TRMT61A: variants seen among roughly 807,000 people sequenced by gnomAD.
TRMT61A encodes tRNA methyltransferase 61A.
Under a neutral mutation model 21.3 loss-of-function variants are expected in TRMT61A, and 15 were observed. The ratio of observed to expected loss-of-function variants is 0.70; its 90% CI spans 0.47 to 1.08. TRMT61A has a LOEUF of 1.08. Ranked by LOEUF, TRMT61A falls within the 50% of genes least tolerant of loss-of-function variation. TRMT61A has a pLI of 0.00. For missense variants in TRMT61A, 352 were observed against 426.7 expected (o/e 0.83, Z 1.54); for synonymous variants, 183 against 185.5 (o/e 0.99, Z 0.11).
intron 3 of TRMT61A, among the ~76,000 whole-genome samples, chr14:103,534,123 C>T (rs1249796678): frequency 2.0e-5 from 3 of 152,216 alleles, no homozygotes; most frequent in African/African-American, 7.2e-5. Flanking sequence ...CTCCTGTTCC[C>T]GGGAGCAGCG....
At chr14:103,534,385 A>T (rs966482175) in intron 3 of TRMT61A, among the ~76,000 whole-genome samples, 165 bp from the exon 4 acceptor site, 11 of 152,224 alleles carry the variant, frequency 7.2e-5, no homozygotes, top group African/African-American at 2.7e-4. Context: ...GTTGAGGGCC[A>T]GGCCCCTCTG....
Position 103,529,277 on chromosome 14 carries a change from G to A in TRMT61A, c.-30+16G>A, listed in dbSNP as rs575760553. 2.4e-4 allele frequency: 71 copies of A among 301,554 alleles called. No homozygotes were observed. The highest frequency in any genetic ancestry group is 1.5e-3 in the African/African-American group (65 of 43,694). 18.7% of individuals were successfully genotyped at this position (301,554 alleles called of 1,614,324 possible). A position where few individuals can be genotyped will look rare whatever the true frequency, so the allele number is the denominator to read the frequency against. ...AGCGTCGCAGGTGAGACTCCGCGGG[G>A]TACAGGGTGGCAGGGCGCGGGTGAG... On this transcript the variant is annotated intron_variant, in intron 1 of 3. Coordinates refer to ENST00000389749, the MANE Select transcript of TRMT61A (RefSeq NM_152307.3).
intron 1 of TRMT61A, among the ~76,000 whole-genome samples, chr14:103,529,657 T>C (rs1330483697): frequency 6.6e-6 from 1 of 152,256 alleles, no homozygotes; most frequent in African/African-American, 2.4e-5. Context: ...GGTCGGGTCC[T>C]CACTCCGGGA....
Position 103,532,746 on chromosome 14 carries a change from C to G in TRMT61A, c.496C>G (p.Arg166Gly). 6.2e-7 allele frequency: 1 copy of G among 1,602,800 alleles called. No individual in the cohort carries two copies. ...GACTGTGCGCACCCAGGACGTGTGC[C>G]GCAGTGGCTTTGGCGTGAGCCACGT... ...WVTVRTQDVCRSGFGVSHVAD... is the reference protein window; with the variant it reads ...WVTVRTQDVCGSGFGVSHVAD... Residue 166 changes from arginine (R) to glycine (G), a missense_variant, in exon 3 of 4, where the codon CGC (arginine) becomes GGC (glycine). Transcript: ENST00000389749.
chr14:103,535,085 C>G lies in TRMT61A; in HGVS notation c.*264C>G, dbSNP rs1012206070. 26 of 683,062 alleles carry G rather than the reference C, an allele frequency of 3.8e-5. No individual in the cohort carries two copies. Among genetic ancestry groups the G allele is most frequent in the Non-Finnish European group, 7.0e-5 (26 of 373,180 alleles). The allele number at this position is 683,062 out of a possible 1,614,324, so 42.3% of individuals were successfully genotyped here. Reference sequence around the variant, plus strand: ...TGCCAATATGAAGTATCCACTGCCACAGGCTCCCCTGGGTGTTGAAGCCAA... The same window carrying G: ...TGCCAATATGAAGTATCCACTGCCAGAGGCTCCCCTGGGTGTTGAAGCCAA... On this transcript the variant is annotated 3_prime_UTR_variant, in exon 4 of 4. Transcript: ENST00000389749.
chr14:103,533,178 C>T lies in TRMT61A; in HGVS notation c.598+330C>T, dbSNP rs1056931479. Among the ~76,000 whole-genome samples the T allele has an allele frequency of 2.0e-5, 3 of 152,348 alleles. No individual in the cohort carries two copies. In the East Asian group the frequency reaches 5.8e-4, roughly 29 times the overall value. ...TCCCTGCTGTTTCCCAAAACCTCTC[C>T]TCCCCCAGGCTCTGGAGCCCAGGGA... On this transcript the variant is annotated intron_variant, in intron 3 of 3. Coordinates refer to ENST00000389749, the MANE Select transcript of TRMT61A (RefSeq NM_152307.3).
rs1423455181 is a variant in TRMT61A at position 103,531,459 on chromosome 14, G to A, written c.332-1123G>A. On this transcript the variant is annotated intron_variant, in intron 2 of 3. Coordinates refer to ENST00000389749, the MANE Select transcript of TRMT61A (RefSeq NM_152307.3). This position sits in a 1 kb window ranked among gnomAD's most constrained non-coding sequence, Gnocchi z 5.1. ...CCCTGCAGTTGGAGCATGCTGCCGA[G>A]TCAGGCTCAGTGGGGGAGGCAGAGG... Among the ~76,000 whole-genome samples the A allele has an allele frequency of 6.6e-6, 1 of 152,222 alleles. No individual in the cohort carries two copies. The highest frequency in any genetic ancestry group is 6.5e-5 in the Admixed American group (1 of 15,286).
chr14:103,529,317 G>T, intron 1 of TRMT61A, 56 bp downstream of exon 1: 1 of 221,452 alleles, frequency 4.5e-6, no homozygotes, highest in Non-Finnish European at 9.4e-6. Flanking sequence ...ACCCGGGCCG[G>T]GCACGGCGCG....
chr14:103,530,299 CTG>C lies in TRMT61A; in HGVS notation c.324_325del (p.Cys108Ter). ...MLELRPGSVV[C>X]ESGTGSGSVS... ...TGGAGCTTCGGCCCGGCTCTGTGGT[CTG>C]TGAGTCTGGTGAGTTCCTCAGGCTG... On this transcript the variant is annotated frameshift_variant, in exon 2 of 4. Coordinates refer to ENST00000389749, the MANE Select transcript of TRMT61A (RefSeq NM_152307.3). LOFTEE classifies it high-confidence loss of function. 6.3e-7 allele frequency: 1 copy of C among 1,584,118 alleles called. No homozygotes were observed. Among genetic ancestry groups the C allele is most frequent in the Non-Finnish European group, 8.6e-7 (1 of 1,157,090 alleles).
chr14:103,530,755 C>G (rs561469941), intron 2 of TRMT61A, among the ~76,000 whole-genome samples: 1 of 152,344 alleles, frequency 6.6e-6, no homozygotes, highest in Admixed American at 6.5e-5. Context: ...AGATCCTCAC[C>G]TGCTACCAAT....
In TRMT61A at chr14:103,532,703, C is replaced by T. The variant is rs1203499344; in HGVS notation, c.453C>T (p.His151=). ...AGGCCCGGGAGGAGTTCCAGGAGCA[C>T]CGTGTGGGCCGCTGGGTGACTGTGC... ...AEKAREEFQE[H]RVGRWVTVRT... The change falls in exon 3 of 4, where the codon CAC becomes CAT. Residue 151 remains histidine, a synonymous_variant. Transcript: ENST00000389749. The T allele has an allele frequency of 1.9e-6, 3 of 1,612,962 alleles. No homozygotes were observed. Among genetic ancestry groups the T allele is most frequent in the Non-Finnish European group, 1.7e-6 (2 of 1,179,828 alleles).
In TRMT61A at chr14:103,531,426, T is replaced by A. The variant is rs143282395; in HGVS notation, c.331+1117T>A. Among the ~76,000 whole-genome samples the A allele has an allele frequency of 2.7e-3, 413 of 152,140 alleles. 1 individual carries two copies. Among genetic ancestry groups the A allele is most frequent in the Non-Finnish European group, 4.7e-3 (322 of 68,010 alleles). On this transcript the variant is annotated intron_variant, in intron 2 of 3. Transcript: ENST00000389749. This position sits in a 1 kb window ranked among gnomAD's most constrained non-coding sequence, Gnocchi z 5.1. The stretch of plus-strand genomic sequence containing the variant: ...ACAGCTCTGCACCAAGGAGGAGCCG[T>A]GCCGAGGCCCTGCAGTTGGAGCATG...
At position 103,532,824 on chromosome 14, in the gene TRMT61A, G is replaced by A. The variant is rs772161793; in HGVS notation, c.574G>A (p.Ala192Thr). Residue 192 changes from alanine (A) to threonine (T), a missense_variant, in exon 3 of 4, where the codon GCC becomes ACC. Coordinates refer to ENST00000389749, the MANE Select transcript of TRMT61A (RefSeq NM_152307.3). ...ATCACCCTGGGAGGCCGTGGGCCAC[G>A]CCTGGGACGCCCTCAAGGTCGAAGG... ...IPSPWEAVGH[A>T]WDALKVEGGR... is the part of the protein sequence containing the mutation. 2.5e-5 allele frequency: 39 copies of A among 1,560,250 alleles called. No homozygotes were observed. In the South Asian group the frequency reaches 4.1e-4, roughly 16 times the overall value.
In TRMT61A at chr14:103,536,497, C is replaced by T. The variant is rs2075974436; in HGVS notation, c.*1676C>T. 6.6e-6 allele frequency: 1 copy of T among 152,246 alleles called. No individual in the cohort carries two copies. Among genetic ancestry groups the T allele is most frequent in the African/African-American group, 2.4e-5 (1 of 41,446 alleles). 9.4% of individuals were successfully genotyped at this position (152,246 alleles called of 1,614,324 possible). On this transcript the variant is annotated 3_prime_UTR_variant, in exon 4 of 4. Transcript: ENST00000389749. ...CAGCTTCCCTTCTAACCTTGTTACT[C>T]ACCTGGGGCACAGAGGAGGGGCCCC...
Position 103,536,649 on chromosome 14 carries a change from C to G in TRMT61A, c.*1828C>G, listed in dbSNP as rs191387023. 1 of 152,514 alleles carries G rather than the reference C, an allele frequency of 6.6e-6. No homozygotes were observed. The highest frequency in any genetic ancestry group is 1.5e-5 in the Non-Finnish European group (1 of 68,206). 9.4% of individuals were successfully genotyped at this position (152,514 alleles called of 1,614,324 possible). Reference sequence around the variant, plus strand: ...CTCAGTTCCCCCAAGCCTGCCCTGCCCCTCCTGGCCACAGCAAAGGCCTGC... The same window carrying G: ...CTCAGTTCCCCCAAGCCTGCCCTGCGCCTCCTGGCCACAGCAAAGGCCTGC... On this transcript the variant is annotated 3_prime_UTR_variant, in exon 4 of 4. Transcript: ENST00000389749.
intron 3 of TRMT61A, among the ~76,000 whole-genome samples, chr14:103,534,075 A>T (rs2142241061): frequency 6.6e-6 from 1 of 152,252 alleles, no homozygotes; most frequent in South Asian, 2.1e-4. Flanking sequence ...GGCGGCAGGG[A>T]GGGGCTGTCA....
intron 3 of TRMT61A, among the ~76,000 whole-genome samples, chr14:103,533,430 G>A (rs1057005587): frequency 2.0e-5 from 3 of 152,200 alleles, no homozygotes; most frequent in African/African-American, 4.8e-5. Context: ...AAGATGAGCC[G>A]AGGCCTGGTG....
Position 103,536,687 on chromosome 14 carries a change from G to T in TRMT61A, c.*1866G>T. 6.6e-6 allele frequency: 1 copy of T among 152,530 alleles called. No individual in the cohort carries two copies. 9.4% of individuals were successfully genotyped at this position (152,530 alleles called of 1,614,324 possible). A position where few individuals can be genotyped will look rare whatever the true frequency, so the allele number is the denominator to read the frequency against. On this transcript the variant is annotated 3_prime_UTR_variant, in exon 4 of 4. Transcript: ENST00000389749. ...AGCAAAGGCCTGCATGGTGTCTGAT[G>T]GGTGGACACCGGGAGGTGTTTCTTT...
In TRMT61A at chr14:103,535,221, C is replaced by A. The variant is rs1419681575; in HGVS notation, c.*400C>A. 16 of 471,698 alleles carry A rather than the reference C, an allele frequency of 3.4e-5. No individual in the cohort carries two copies. Among genetic ancestry groups the A allele is most frequent in the Non-Finnish European group, 2.1e-5 (5 of 238,082 alleles). 29.2% of individuals were successfully genotyped at this position (471,698 alleles called of 1,614,324 possible). A position where few individuals can be genotyped will look rare whatever the true frequency, so the allele number is the denominator to read the frequency against. On this transcript the variant is annotated 3_prime_UTR_variant, in exon 4 of 4. Coordinates refer to ENST00000389749, the MANE Select transcript of TRMT61A (RefSeq NM_152307.3). Reference sequence around the variant, plus strand: ...GACCACGCTGCGTCTGACCCCTGGGCCCCCACGGCCCTGGCTGCCCCACGG... The same window carrying A: ...GACCACGCTGCGTCTGACCCCTGGGACCCCACGGCCCTGGCTGCCCCACGG...
Sources: gnomAD v4.1 joint callset for allele counts (sites outside exome capture counted in the v4.1 genomes callset) on GRCh38, gnomAD v4.1.1 for gene constraint, Gnocchi (gnomAD v3.1) non-coding constraint, MANE v1.5 for transcripts, NCBI Gene and HGNC (gene_info 2026-07-23, HGNC 2026-07-21) for gene names.